The following ITGAM variants were observed in gnomAD, a reference collection of about 807,000 sequenced individuals.
The protein encoded by ITGAM is integrin alpha-M.
A neutral mutation model predicts 137.5 loss-of-function variants in ITGAM; 79 were observed. The observed-to-expected ratio is 0.57, with a 90% CI of 0.48 to 0.69. The LOEUF is 0.69. Ranked by LOEUF, ITGAM falls within the 30% of genes least tolerant of loss-of-function variation. The probability of loss-of-function intolerance (pLI) is 0.00; values close to 1 mark genes in which losing one functional copy is unlikely to be tolerated. For synonymous variants in ITGAM, 583 were observed against 592.3 expected, an observed-to-expected ratio of 0.98 and a Z score of 0.23; for missense variants, 1,343 against 1,483.5, an observed-to-expected ratio of 0.91 and a Z score of 1.56.
chr16:31,324,317 G>A lies in ITGAM; in HGVS notation c.2003-82G>A, dbSNP rs866591039. ...ATACCCCAAGTCACACAGCTGAGAAGCAGAGGAGCTGGGCCTTGAACTCCC... is the reference window on the plus strand; with the variant it reads ...ATACCCCAAGTCACACAGCTGAGAAACAGAGGAGCTGGGCCTTGAACTCCC... On this transcript the variant is annotated intron_variant, in intron 16 of 29. Coordinates refer to ENST00000544665, the MANE Select transcript of ITGAM (RefSeq NM_000632.4). The surrounding 1 kb of genome is among the most constrained non-coding windows in gnomAD (Gnocchi z 4.5). 25 of 1,174,594 alleles carry A rather than the reference G, an allele frequency of 2.1e-5. No homozygotes were observed. The highest frequency in any genetic ancestry group is 2.6e-5 in the Non-Finnish European group (21 of 813,428). The allele number at this position is 1,174,594 out of a possible 1,614,324, so 72.8% of individuals were successfully genotyped here. A position where few individuals can be genotyped will look rare whatever the true frequency, so the allele number is the denominator to read the frequency against.
rs993698429 is a variant in ITGAM at position 31,277,580 on chromosome 16, A to G, written c.1214-387A>G. Among the ~76,000 whole-genome samples, 16 of 152,042 alleles carry G rather than the reference A, an allele frequency of 1.1e-4. No individual in the cohort carries two copies. The East Asian group carries it at 2.1e-3, about 20-fold the overall frequency. ...TCCATGTCGGTCAGGCTGGTCGCGA[A>G]CTCCCAACCTCAGGTGATCCACCTG... On this transcript the variant is annotated intron_variant, in intron 11 of 29. Transcript: ENST00000544665.
At chr16:31,317,091 C>A (rs1188367182) in intron 14 of ITGAM, among the ~76,000 whole-genome samples, 1 of 151,802 alleles carries the variant, frequency 6.6e-6, no homozygotes, top group African/African-American at 2.4e-5. Flanking sequence ...CATTTCTTAT[C>A]TTTTTCTTGC....
At chr16:31,302,862 TTCTC>T (rs923664621) in intron 14 of ITGAM, among the ~76,000 whole-genome samples, 2 of 151,230 alleles carry the variant, frequency 1.3e-5, no homozygotes, top group African/African-American at 4.9e-5. Flanking sequence ...TCTTCTTTCT[TTCTC>T]TCTCTCTCTT....
rs779418225 is a variant in ITGAM at position 31,321,309 on chromosome 16, C to T, written c.1776C>T (p.Asp592=). The part of the protein sequence containing the change: ...YFGQSLSGGQ[D]LTMDGLVDLT... ...GTCAGTCACTGAGTGGGGGCCAGGA[C>T]CTCACAATGGATGGACTGGTAGACC... The change falls in exon 15 of 30, where the codon GAC becomes GAT. Residue 592 remains aspartate (D), a synonymous_variant. Transcript: ENST00000544665. The T allele has an allele frequency of 4.0e-5, 65 of 1,614,040 alleles. 1 individual carries two copies. In the South Asian group the frequency reaches 7.0e-4, roughly 17 times the overall value.
intron 22 of ITGAM, among the ~76,000 whole-genome samples, chr16:31,327,619 T>TAA (rs921740818): frequency 1.7e-4 from 26 of 149,520 alleles, no homozygotes; most frequent in African/African-American, 5.4e-4. Context: ...ATAATAATAA[T>TAA]AAAAAATAAA....
At chr16:31,265,570 G>T in intron 3 of ITGAM, 72 bp downstream of exon 3, 3 of 1,023,546 alleles carry the variant, frequency 2.9e-6, no homozygotes, top group Non-Finnish European at 4.3e-6. Flanking sequence ...AGGCACTCCT[G>T]TGTCCTGGGG....
intron 14 of ITGAM, among the ~76,000 whole-genome samples, chr16:31,310,548 G>T (rs1262888020): frequency 2.6e-5 from 4 of 152,122 alleles, no homozygotes; most frequent in Admixed American, 6.5e-5. Context: ...AGCTCCATCA[G>T]GTCCTTTAAG....
In ITGAM at chr16:31,298,392, C is replaced by T. The variant is rs575297229; in HGVS notation, c.1707+438C>T. ...TCAGACTTGCACATGCATGCGTGCA[C>T]GTGCACACACACACACACATTCACA... is the stretch of plus-strand genomic sequence containing the variant. On this transcript the variant is annotated intron_variant, in intron 14 of 29. Coordinates refer to ENST00000544665, the MANE Select transcript of ITGAM (RefSeq NM_000632.4). Among the ~76,000 whole-genome samples the T allele has an allele frequency of 3.9e-5, 6 of 152,108 alleles. No individual in the cohort carries two copies. The South Asian group carries it at 6.2e-4, about 16-fold the overall frequency.
chr16:31,291,314 T>C (rs563643280), intron 12 of ITGAM, among the ~76,000 whole-genome samples: 39 of 152,320 alleles, frequency 2.6e-4, no homozygotes, highest in African/African-American at 8.2e-4. Context: ...TGCAGTTATC[T>C]CTTCAGTATA....
chr16:31,319,785 A>G (rs2080429171), intron 14 of ITGAM, among the ~76,000 whole-genome samples: 1 of 149,396 alleles, frequency 6.7e-6, no homozygotes, highest in Non-Finnish European at 1.5e-5. Context: ...TAATTTTTGT[A>G]TTAATATGCT....
In ITGAM at chr16:31,329,900, T is replaced by G; in HGVS notation, c.2971T>G (p.Ser991Ala). 6.4e-7 allele frequency: 1 copy of G among 1,559,374 alleles called. No individual in the cohort carries two copies. The highest frequency in any genetic ancestry group is 8.7e-7 in the Non-Finnish European group (1 of 1,151,366). The change falls in exon 25 of 30, where the codon TCC (serine) becomes GCC (alanine). Residue 991 changes from serine (S) to alanine (A), a missense_variant. Ser to Ala is a moderately conservative substitution (Grantham distance 99). Coordinates refer to ENST00000544665, the MANE Select transcript of ITGAM (RefSeq NM_000632.4). The stretch of plus-strand genomic sequence containing the variant: ...ATGGGACCGCCCCCAGGTCACCTTC[T>G]CCGAGGTGAGCGGAGCTCGGCCTGA... Reference protein sequence around the residue: ...VIWDRPQVTFSENLSSTCHTK... With the variant: ...VIWDRPQVTFAENLSSTCHTK...
rs1323476141 is a variant in ITGAM at position 31,324,058 on chromosome 16, GAAGGAAGGA to G, written c.2003-328_2003-320del. The stretch of plus-strand genomic sequence containing the variant: ...AAAAGAAAGGAAGGAAGGAAGAAGG[GAAGGAAGGA>G]AAGGAAGGAAAGTAGGAAAGGAAGG... On this transcript the variant is annotated intron_variant, in intron 16 of 29. Transcript: ENST00000544665. The surrounding 1 kb of genome is among the most constrained non-coding windows in gnomAD (Gnocchi z 4.5). Among the ~76,000 whole-genome samples, 4 of 150,292 alleles carry G rather than the reference GAAGGAAGGA, an allele frequency of 2.7e-5. No homozygotes were observed. Among genetic ancestry groups the G allele is most frequent in the Non-Finnish European group, 3.0e-5 (2 of 67,514 alleles).
At chr16:31,287,267 T>C (rs2080038578) in intron 12 of ITGAM, among the ~76,000 whole-genome samples, 1 of 152,192 alleles carries the variant, frequency 6.6e-6, no homozygotes, top group Non-Finnish European at 1.5e-5. Context: ...AGTACCATAC[T>C]GTTTTGGTTA....
At chr16:31,329,330 G>C in intron 24 of ITGAM, 27 bp downstream of exon 24, 1 of 1,514,058 alleles carries the variant, frequency 6.6e-7, no homozygotes, top group Non-Finnish European at 9.2e-7. Flanking sequence ...TCTGGGTCCT[G>C]AGAAGGAGGC....
chr16:31,297,701 AG>A, intron 13 of ITGAM, 43 bp from the exon 14 acceptor site: 2 of 1,570,656 alleles, frequency 1.3e-6, no homozygotes, highest in Non-Finnish European at 1.7e-6. Flanking sequence ...GTGTGGGTGG[AG>A]GGGTCGCCTG....
intron 14 of ITGAM, among the ~76,000 whole-genome samples, chr16:31,302,823 C>T (rs946342187): frequency 2.6e-5 from 4 of 151,784 alleles, no homozygotes; most frequent in African/African-American, 7.3e-5. Context: ...GCGTGAGCCA[C>T]CGCGCCCAGC....
rs1358437195 is a variant in ITGAM at position 31,297,968 on chromosome 16, A to T, written c.1707+14A>T. 10 of 1,602,816 alleles carry T rather than the reference A, an allele frequency of 6.2e-6. No homozygotes were observed. The highest frequency in any genetic ancestry group is 8.5e-6 in the Non-Finnish European group (10 of 1,170,164). On this transcript the variant is annotated intron_variant, in intron 14 of 29. Coordinates refer to ENST00000544665, the MANE Select transcript of ITGAM (RefSeq NM_000632.4). ...TCCCATAGCCAGGTGAGACCTGGTC[A>T]CTGTCCTTGTCATGACAGTAGCCTC...
At chr16:31,330,023 C>A in intron 25 of ITGAM, 58 bp from the exon 26 acceptor site, 1 of 1,566,078 alleles carries the variant, frequency 6.4e-7, no homozygotes, top group East Asian at 2.3e-5. Flanking sequence ...TCTCACCTCC[C>A]GAGATGAGGC....
At chr16:31,277,288 G>T (rs918235644) in intron 11 of ITGAM, among the ~76,000 whole-genome samples, 2 of 151,600 alleles carry the variant, frequency 1.3e-5, no homozygotes, top group Admixed American at 1.3e-4. Flanking sequence ...TGCCTCCTGC[G>T]CTCAAGCGAT....
Sources: gnomAD v4.1 joint callset for allele counts (sites outside exome capture counted in the v4.1 genomes callset) on GRCh38, gnomAD v4.1.1 for gene constraint, Gnocchi (gnomAD v3.1) non-coding constraint, MANE v1.5 for transcripts, NCBI Gene and HGNC (gene_info 2026-07-23, HGNC 2026-07-21) for gene names.